Variants in TSGA10 observed in about 807,000 individuals in gnomAD.
The protein encoded by TSGA10 is testis-specific gene 10 protein.
Under a neutral mutation model 96.6 loss-of-function variants are expected in TSGA10, and 43 were observed. That is an observed-to-expected ratio of 0.44 (90% CI 0.35 to 0.57). The LOEUF (loss-of-function observed/expected upper bound fraction) is 0.57, where lower values mean the gene tolerates loss of function less well. Among genes scored for constraint, TSGA10 ranks in the 20% least tolerant of loss-of-function variants. The pLI is 0.01. For missense variants in TSGA10, 703 were observed against 834.4 expected (o/e 0.84, Z 1.94); for synonymous variants, 229 against 269.9 (o/e 0.85, Z 1.48).
rs148112321 is a variant in TSGA10, at chr2:99,112,557, G to A, written c.-139-1642C>T. ...GGTCAGGAAGTCCTCATTGAAAGGT[G>A]ACCTTTGACCAAAAACTTCAGAGGA... On this transcript the variant is annotated intron_variant, in intron 4 of 20. Transcript: ENST00000393483. Among the ~76,000 whole-genome samples, 15 of 152,082 alleles carry A rather than the reference G, an allele frequency of 9.9e-5. No individual in the cohort carries two copies. In the East Asian group the frequency reaches 2.2e-3, roughly 22 times the overall value.
chr2:99,007,931 G>C (rs1297082803), intron 20 of TSGA10, among the ~76,000 whole-genome samples: 1 of 152,138 alleles, frequency 6.6e-6, no homozygotes, highest in Non-Finnish European at 1.5e-5. Flanking sequence ...AATAGAAATA[G>C]AAAGTCCAAA....
rs145016240 is a variant in TSGA10 at position 99,073,211 on chromosome 2, C to T, written c.883-138G>A. On this transcript the variant is annotated intron_variant, in intron 12 of 20. Transcript: ENST00000393483. ...AAAACATGTATGTCCTATTCTTTTC[C>T]ACACTTTAAAGCCTAGTATATCAAT... 547 of 585,854 alleles carry T rather than the reference C, an allele frequency of 9.3e-4. 3 individuals are homozygous for T. Among genetic ancestry groups the T allele is most frequent in the African/African-American group, 9.0e-3 (478 of 53,366 alleles). The allele number at this position is 585,854 out of a possible 1,614,324, so 36.3% of individuals were successfully genotyped here. A position where few individuals can be genotyped will look rare whatever the true frequency, so the allele number is the denominator to read the frequency against.
chr2:99,147,322 A>G, intron 1 of TSGA10: 1 of 780,752 alleles, frequency 1.3e-6, no homozygotes, highest in Non-Finnish European at 2.2e-6. Flanking sequence ...CTTAATATCT[A>G]GTAAAGAAAG....
chr2:99,058,144 T>C (rs1174492352), intron 16 of TSGA10, among the ~76,000 whole-genome samples: 1 of 152,118 alleles, frequency 6.6e-6, no homozygotes, highest in Non-Finnish European at 1.5e-5. Context: ...GGTTTGGTGG[T>C]GATAAAGGGT....
At chr2:99,108,809 A>AT (rs1281357061) in intron 7 of TSGA10, 24 bp downstream of exon 7, 1 of 1,488,600 alleles carries the variant, frequency 6.7e-7, no homozygotes, top group Non-Finnish European at 9.0e-7. Flanking sequence ...TATTACTTAT[A>AT]TAATTTGTTT....
In TSGA10 at chr2:99,024,508, G is replaced by A. The variant is rs1034683625; in HGVS notation, c.1615-4026C>T. 2.0e-5 allele frequency among the ~76,000 whole-genome samples: 3 copies of A among 152,156 alleles called. No homozygotes were observed. In the East Asian group the frequency reaches 5.8e-4, roughly 29 times the overall value. On this transcript the variant is annotated intron_variant, in intron 17 of 20. Transcript: ENST00000393483. ...AATATGATAACTGGATATTGATCTTGTGTCCTACAACCCTGATGCTCATTA... is the reference window on the plus strand; with the variant it reads ...AATATGATAACTGGATATTGATCTTATGTCCTACAACCCTGATGCTCATTA...
chr2:99,031,265 A>C (rs933722131), intron 17 of TSGA10, among the ~76,000 whole-genome samples: 2 of 148,262 alleles, frequency 1.3e-5, no homozygotes, highest in Non-Finnish European at 3.0e-5. Flanking sequence ...ATGGTACAGA[A>C]GAAGGTGGAT....
intron 17 of TSGA10, among the ~76,000 whole-genome samples, chr2:99,028,339 A>G (rs1226725342): frequency 1.3e-5 from 2 of 152,214 alleles, no homozygotes; most frequent in Non-Finnish European, 2.9e-5. Context: ...TACGATTGAC[A>G]AATAAAAATT....
chr2:99,008,026 A>T (rs771789962), intron 20 of TSGA10, among the ~76,000 whole-genome samples: 87 of 152,336 alleles, frequency 5.7e-4, no homozygotes, highest in Non-Finnish European at 3.4e-4. Flanking sequence ...ATAAAATTAG[A>T]TCCATTTCTC....
chr2:99,074,122 C>T (rs2086369480), intron 12 of TSGA10, among the ~76,000 whole-genome samples: 1 of 148,072 alleles, frequency 6.8e-6, no homozygotes, highest in African/African-American at 2.5e-5. Context: ...AAGCGATTCT[C>T]CTGCCTCAGC....
chr2:99,042,383 G>A (rs1382212011), intron 16 of TSGA10, among the ~76,000 whole-genome samples: 1 of 152,114 alleles, frequency 6.6e-6, no homozygotes, highest in Non-Finnish European at 1.5e-5. Flanking sequence ...CGCTGTAGAC[G>A]GGACATGGCC....
rs1024743137 is a variant in TSGA10, at chr2:99,117,696, T to C, written c.-292A>G. ...TCTACTTGACTGCTTACCACCTCCT[T>C]ACTATCCAAGAGTTTCCTAACATAT... On this transcript the variant is annotated 5_prime_UTR_variant, in exon 4 of 21. Coordinates refer to ENST00000393483, the MANE Select transcript of TSGA10 (RefSeq NM_025244.4). The C allele has an allele frequency of 2.0e-6, 2 of 985,708 alleles. No homozygotes were observed. The highest frequency in any genetic ancestry group is 5.2e-4 in the Middle Eastern group (1 of 1,936). 61.1% of individuals were successfully genotyped at this position (985,708 alleles called of 1,614,324 possible). A position where few individuals can be genotyped will look rare whatever the true frequency, so the allele number is the denominator to read the frequency against.
intron 10 of TSGA10, among the ~76,000 whole-genome samples, chr2:99,096,326 T>C (rs933736741): frequency 6.6e-6 from 1 of 152,228 alleles, no homozygotes; most frequent in Non-Finnish European, 1.5e-5. Context: ...CCTTTCTAAG[T>C]TTGGATCAGC....
chr2:99,044,979 C>T (rs1315069062), intron 16 of TSGA10, among the ~76,000 whole-genome samples: 1 of 152,056 alleles, frequency 6.6e-6, no homozygotes, highest in African/African-American at 2.4e-5. Context: ...TCTTGGAAAC[C>T]AACAAGAACA....
intron 1 of TSGA10, chr2:99,150,452 A>G: frequency 7.9e-7 from 1 of 1,259,472 alleles, no homozygotes; most frequent in Non-Finnish European, 1.1e-6. Context: ...TTCCTGCTGC[A>G]TTCACTTGTT....
At chr2:99,005,693 A>G (rs1043859174) in intron 20 of TSGA10, among the ~76,000 whole-genome samples, 36 of 152,180 alleles carry the variant, frequency 2.4e-4, no homozygotes, top group East Asian at 7.7e-4. Flanking sequence ...GGAAGAATCA[A>G]TATCGTGAAA....
At chr2:99,087,517 A>G (rs1490317820) in intron 10 of TSGA10, among the ~76,000 whole-genome samples, 1 of 152,152 alleles carries the variant, frequency 6.6e-6, no homozygotes, top group Non-Finnish European at 1.5e-5. Flanking sequence ...AACAAAAAAT[A>G]AAAAATAAAA....
chr2:99,059,765 T>G (rs2084463793), intron 16 of TSGA10, among the ~76,000 whole-genome samples: 1 of 151,242 alleles, frequency 6.6e-6, no homozygotes, highest in South Asian at 2.1e-4. Flanking sequence ...AATGCAAAAA[T>G]TAGCCAGGCA....
At chr2:99,111,422 A>T (rs751264902) in intron 4 of TSGA10, among the ~76,000 whole-genome samples, 5 of 152,132 alleles carry the variant, frequency 3.3e-5, no homozygotes, top group African/African-American at 4.8e-5. Context: ...TGACTACATT[A>T]TATGTTCCTA....
Sources: allele counts gnomAD v4.1 joint callset (sites outside exome capture counted in the v4.1 genomes callset), GRCh38; gene constraint gnomAD v4.1.1; transcripts MANE v1.5; gene names NCBI Gene and HGNC (gene_info 2026-07-23, HGNC 2026-07-21).